The following SCARA3 variants were observed in gnomAD, a reference collection of about 807,000 sequenced individuals.
SCARA3 encodes scavenger receptor class A member 3, also known as cellular stress response gene protein.
In SCARA3, 39 loss-of-function variants were observed where a neutral mutation model predicts 47.0. The ratio of observed to expected loss-of-function variants is 0.83; its 90% confidence interval spans 0.64 to 1.08. The LOEUF (loss-of-function observed/expected upper bound fraction) is 1.08. Among genes scored for constraint, SCARA3 ranks in the 50% least tolerant of loss-of-function variants. SCARA3 has a pLI of 0.00. For synonymous variants in SCARA3, 356 were observed against 334.1 expected, an observed-to-expected ratio of 1.07 and a Z score of -0.71; for missense variants, 724 against 792.3, an observed-to-expected ratio of 0.91 and a Z score of 1.04.
chr8:27,673,225 CAG>C (rs568584693), downstream of SCARA3, among the ~76,000 whole-genome samples: 19 of 152,352 alleles, frequency 1.2e-4, no homozygotes, highest in East Asian at 3.5e-3. Context: ...AGAGCAGGAA[CAG>C]AGGGGGAAAT....
chr8:27,707,104 A>G, the SCARA3 span, among the ~76,000 whole-genome samples: 1 of 152,204 alleles, frequency 6.6e-6, no homozygotes, highest in Non-Finnish European at 1.5e-5. Flanking sequence ...GGAGGTATCA[A>G]TTGAAAGCCT....
the SCARA3 span, among the ~76,000 whole-genome samples, chr8:27,700,101 A>T: frequency 6.6e-6 from 1 of 152,178 alleles, no homozygotes; most frequent in East Asian, 1.9e-4. Flanking sequence ...AATTTTTGTG[A>T]CTTTAAGAAA....
At chr8:27,706,084 T>C in the SCARA3 span, among the ~76,000 whole-genome samples, 1 of 152,012 alleles carries the variant, frequency 6.6e-6, no homozygotes, top group African/African-American at 2.4e-5. Flanking sequence ...TCAGGGAGGG[T>C]GAGGCTGAAG....
the SCARA3 span, among the ~76,000 whole-genome samples, chr8:27,714,641 T>C: frequency 6.6e-6 from 1 of 152,174 alleles, no homozygotes; most frequent in Non-Finnish European, 1.5e-5. Context: ...TCTATATTTA[T>C]ATTTATTTTG....
the SCARA3 span, among the ~76,000 whole-genome samples, chr8:27,717,896 G>A: frequency 6.6e-5 from 10 of 152,164 alleles, no homozygotes; most frequent in Non-Finnish European, 1.5e-4. Flanking sequence ...CAGTTAGTCT[G>A]TCTGACTGTC....
At chr8:27,675,137 C>T (rs2640734), downstream of SCARA3, among the ~76,000 whole-genome samples, 29,416 of 152,110 alleles carry the variant, frequency 0.19, 3,283 homozygotes, top group Middle Eastern at 0.35. Flanking sequence ...TTCACCCTGG[C>T]GACCTCACCA....
chr8:27,701,857 T>C, the SCARA3 span: 1 of 153,280 alleles, frequency 6.5e-6, no homozygotes, highest in African/African-American at 2.4e-5. Context: ...AACCAAAGGG[T>C]TTCCTGGGCT....
At chr8:27,724,477 C>T in the SCARA3 span, among the ~76,000 whole-genome samples, 1 of 152,210 alleles carries the variant, frequency 6.6e-6, no homozygotes, top group South Asian at 2.1e-4. Flanking sequence ...GCCTGGCCAA[C>T]ATGAATTCTG....
chr8:27,642,931 A>G (rs1470866045), intron 1 of SCARA3, among the ~76,000 whole-genome samples: 1 of 152,068 alleles, frequency 6.6e-6, no homozygotes, highest in Non-Finnish European at 1.5e-5. Context: ...TGCTGTGGAC[A>G]GAGAGGAGAT....
chr8:27,667,042 A>G (rs1392822275), intron 5 of SCARA3, among the ~76,000 whole-genome samples: 1 of 152,148 alleles, frequency 6.6e-6, no homozygotes, highest in Non-Finnish European at 1.5e-5. Flanking sequence ...GGTGGCCTGA[A>G]GTGCCTTCCC....
downstream of SCARA3, chr8:27,676,600 A>C: frequency 6.5e-7 from 1 of 1,542,584 alleles, no homozygotes; most frequent in East Asian, 2.2e-5. Flanking sequence ...ATCGGATATG[A>C]TATGAAGCCA....
intron 1 of SCARA3, among the ~76,000 whole-genome samples, chr8:27,646,977 C>CCA (rs1563402983): frequency 9.1e-6 from 1 of 109,300 alleles, no homozygotes; most frequent in Non-Finnish European, 2.0e-5. Context: ...CCCCCGCCCC[C>CCA]CCCCCGCACA....
chr8:27,721,515 G>T, the SCARA3 span, among the ~76,000 whole-genome samples: 1 of 152,156 alleles, frequency 6.6e-6, no homozygotes, highest in African/African-American at 2.4e-5. Context: ...AGGCAAGATT[G>T]GTTTATTGTC....
At chr8:27,720,680 CCATT>C in the SCARA3 span, among the ~76,000 whole-genome samples, 3 of 151,850 alleles carry the variant, frequency 2.0e-5, no homozygotes, top group Non-Finnish European at 2.9e-5. Context: ...ATCCATCCAT[CCATT>C]CATCCACCCA....
the SCARA3 span, among the ~76,000 whole-genome samples, chr8:27,727,905 G>A: frequency 6.6e-6 from 1 of 152,126 alleles, no homozygotes; most frequent in Non-Finnish European, 1.5e-5. Flanking sequence ...CTGCACTGAA[G>A]GGAATCCACG....
the SCARA3 span, among the ~76,000 whole-genome samples, chr8:27,704,390 G>A: frequency 1.9e-4 from 29 of 152,236 alleles, 1 homozygote; most frequent in Admixed American, 6.5e-4. Flanking sequence ...AGGCTGCAAT[G>A]AGCTATGATT....
At chr8:27,664,926 CA>C (rs1176558219) in intron 5 of SCARA3, among the ~76,000 whole-genome samples, 1 of 152,116 alleles carries the variant, frequency 6.6e-6, no homozygotes, top group Non-Finnish European at 1.5e-5. Context: ...TTAAAGTCAC[CA>C]CATGTAAAAT....
At chr8:27,692,419 C>CA in the SCARA3 span, among the ~76,000 whole-genome samples, 817 of 127,634 alleles carry the variant, frequency 6.4e-3, 2 homozygotes, top group African/African-American at 0.019. Context: ...AACCCTATCT[C>CA]AAAAAAAAAA....
At chr8:27,710,935 T>C in the SCARA3 span, among the ~76,000 whole-genome samples, 1 of 149,792 alleles carries the variant, frequency 6.7e-6, no homozygotes, top group African/African-American at 2.5e-5. Flanking sequence ...TTTTTTTTTT[T>C]TTTTGAGAGG....
Sources: gnomAD v4.1 joint callset for allele counts (sites outside exome capture counted in the v4.1 genomes callset) on GRCh38, gnomAD v4.1.1 for gene constraint, MANE v1.5 for transcripts, NCBI Gene and HGNC (gene_info 2026-07-23, HGNC 2026-07-21) for gene names.